The following PAH variants were observed in gnomAD, a reference collection of about 807,000 sequenced individuals.
PAH encodes phenylalanine hydroxylase, also known as phenylalanine-4-hydroxylase.
PAH carries 64 observed loss-of-function variants against 62.0 expected under a neutral mutation model. That is an observed-to-expected ratio of 1.03 (90% CI 0.84 to 1.27). PAH has a LOEUF of 1.27. PAH is among the 50% of genes most tolerant of loss of function. The pLI is 0.00. For synonymous variants in PAH, 195 were observed against 196.2 expected (o/e 0.99, Z 0.05); for missense variants, 579 against 542.8 (o/e 1.07, Z -0.66).
intron 1 of PAH, 37 bp downstream of exon 1, chr12:102,917,034 T>C (rs769843564): frequency 6.2e-7 from 1 of 1,602,302 alleles, no homozygotes; most frequent in Non-Finnish European, 8.6e-7. Flanking sequence ...GAGGCCCAAA[T>C]TCCCCTAACT....
chr12:102,859,533 C>T (rs1265717820), intron 5 of PAH, among the ~76,000 whole-genome samples: 1 of 152,026 alleles, frequency 6.6e-6, no homozygotes, highest in South Asian at 2.1e-4. Context: ...AAGAGAATTT[C>T]AGACCAATAT....
intron 1 of PAH, among the ~76,000 whole-genome samples, chr12:102,916,284 T>A (rs918431196): frequency 6.6e-6 from 1 of 152,220 alleles, no homozygotes; most frequent in Admixed American, 6.5e-5. Flanking sequence ...ATCCTACTGA[T>A]GACAGGGGCC....
At chr12:102,904,972 TTAAAA>T (rs1396148720) in intron 2 of PAH, among the ~76,000 whole-genome samples, 1 of 152,168 alleles carries the variant, frequency 6.6e-6, no homozygotes, top group African/African-American at 2.4e-5. Flanking sequence ...AAACAACACT[TTAAAA>T]TAAAAGCTTT....
chr12:102,911,351 T>C (rs1878195687), intron 2 of PAH, among the ~76,000 whole-genome samples: 1 of 152,214 alleles, frequency 6.6e-6, no homozygotes, highest in South Asian at 2.1e-4. Context: ...CTGCAAACTA[T>C]GAAGCCCGTT....
intron 4 of PAH, among the ~76,000 whole-genome samples, chr12:102,870,391 C>T (rs1278334209): frequency 6.6e-6 from 1 of 152,150 alleles, no homozygotes; most frequent in Non-Finnish European, 1.5e-5. Context: ...CCTTAGTTTC[C>T]TCATCAGTAA....
intron 12 of PAH, 68 bp downstream of exon 12, chr12:102,840,332 G>A (rs1173692582): frequency 4.3e-5 from 40 of 936,510 alleles, no homozygotes; most frequent in Admixed American, 1.9e-4. Flanking sequence ...TTCCTATGGC[G>A]ATGGTAGGGA....
At chr12:102,884,944 T>C (rs1876968528) in intron 3 of PAH, among the ~76,000 whole-genome samples, 1 of 152,158 alleles carries the variant, frequency 6.6e-6, no homozygotes, top group Non-Finnish European at 1.5e-5. Flanking sequence ...GCAAATAGGC[T>C]CAAAGAGACA....
chr12:102,878,404 T>G (rs56840262), intron 3 of PAH, among the ~76,000 whole-genome samples: 9,460 of 152,048 alleles, frequency 0.062, 375 homozygotes, highest in African/African-American at 0.1. Flanking sequence ...GGGGTTGGGC[T>G]TGAGTGGGGT....
chr12:102,875,152 C>T (rs1438960957), intron 4 of PAH, among the ~76,000 whole-genome samples: 3 of 152,144 alleles, frequency 2.0e-5, no homozygotes, highest in Non-Finnish European at 2.9e-5. Flanking sequence ...CCTGGCGCCT[C>T]GTCTTCAGGG....
intron 5 of PAH, among the ~76,000 whole-genome samples, chr12:102,859,391 A>C (rs1875605149): frequency 6.6e-6 from 1 of 152,222 alleles, no homozygotes; most frequent in Non-Finnish European, 1.5e-5. Flanking sequence ...ATTCTACCAG[A>C]GGTACAAGGA....
At chr12:102,870,758 C>A (rs932744805) in intron 4 of PAH, among the ~76,000 whole-genome samples, 2 of 152,158 alleles carry the variant, frequency 1.3e-5, no homozygotes, top group African/African-American at 4.8e-5. Flanking sequence ...AAGGTTCAAA[C>A]TGGCATTTAT....
chr12:102,901,201 C>T (rs1877745148), intron 2 of PAH, among the ~76,000 whole-genome samples: 1 of 152,112 alleles, frequency 6.6e-6, no homozygotes, highest in Admixed American at 6.5e-5. Flanking sequence ...ATACTGGGCG[C>T]CCCGTCTCCT....
chr12:102,851,206 G>T (rs752017043), intron 8 of PAH, among the ~76,000 whole-genome samples: 8 of 152,108 alleles, frequency 5.3e-5, no homozygotes, highest in Non-Finnish European at 1.0e-4. Flanking sequence ...ATGGTGATAA[G>T]ATATTCAGCT....
chr12:102,914,474 T>A (rs71466243), intron 1 of PAH: 17,931 of 152,372 alleles, frequency 0.12, 1,145 homozygotes, highest in Non-Finnish European at 0.14. Flanking sequence ...CAGTTAGCAG[T>A]GGAGCCAGGA....
intron 11 of PAH, among the ~76,000 whole-genome samples, chr12:102,841,690 T>C (rs1592946307): frequency 6.6e-6 from 1 of 152,264 alleles, no homozygotes; most frequent in Non-Finnish European, 1.5e-5. Flanking sequence ...TCAACCCAGC[T>C]GGTGGCATGA....
At chr12:102,863,764 C>A (rs1434252005) in intron 5 of PAH, among the ~76,000 whole-genome samples, 1 of 152,120 alleles carries the variant, frequency 6.6e-6, no homozygotes, top group African/African-American at 2.4e-5. Flanking sequence ...AAACTACCCG[C>A]CTTAAACTCT....
At chr12:102,847,623 A>AG (rs1196772551) in intron 8 of PAH, among the ~76,000 whole-genome samples, 12 of 152,330 alleles carry the variant, frequency 7.9e-5, no homozygotes, top group African/African-American at 2.6e-4. Context: ...ACAGACAATA[A>AG]ATAATGAACA....
In PAH at chr12:102,838,283, G is replaced by A. The variant is rs1214866635; in HGVS notation, c.*892C>T. On this transcript the variant is annotated 3_prime_UTR_variant, in exon 13 of 13. Transcript: ENST00000553106. Reference sequence around the variant, plus strand: ...CTAATGTATTTCTAAGGCAGTGAGAGGAATATTTCATTCCAGGAAATAACT... The same window carrying A: ...CTAATGTATTTCTAAGGCAGTGAGAAGAATATTTCATTCCAGGAAATAACT... 2 of 152,074 alleles carry A rather than the reference G, an allele frequency of 1.3e-5. No individual in the cohort carries two copies. The highest frequency in any genetic ancestry group is 4.8e-5 in the African/African-American group (2 of 41,390). 9.4% of individuals were successfully genotyped at this position (152,074 alleles called of 1,614,324 possible).
chr12:102,913,328 A>G (rs946768428), intron 1 of PAH, among the ~76,000 whole-genome samples: 1 of 152,172 alleles, frequency 6.6e-6, no homozygotes, highest in Non-Finnish European at 1.5e-5. Flanking sequence ...ATATAATATG[A>G]TTTATAAAAT....
Sources: allele counts gnomAD v4.1 joint callset (sites outside exome capture counted in the v4.1 genomes callset), GRCh38; gene constraint gnomAD v4.1.1; transcripts MANE v1.5; gene names NCBI Gene and HGNC (gene_info 2026-07-23, HGNC 2026-07-21).